Variants in SMAD6 observed in about 807,000 individuals in gnomAD.
The protein encoded by SMAD6 is SMAD family member 6.
A neutral mutation model predicts 39.4 loss-of-function variants in SMAD6; 103 were observed. That is an observed-to-expected ratio of 2.62 (90% confidence interval 2.23 to 3.08). SMAD6 has a LOEUF of 3.08. SMAD6 is among the 30% of genes most tolerant of loss of function. The probability of loss-of-function intolerance (pLI) is 0.00; values close to 1 mark genes in which losing one functional copy is unlikely to be tolerated. For synonymous variants in SMAD6, 445 were observed against 353.3 expected, an observed-to-expected ratio of 1.26 and a Z score of -2.91; for missense variants, 1,104 against 742.9, an observed-to-expected ratio of 1.49 and a Z score of -5.65.
intron 1 of SMAD6, chr15:66,708,565 G>T: frequency 2.7e-6 from 1 of 364,470 alleles, no homozygotes; most frequent in Non-Finnish European, 5.8e-6. Context: ...TGGTACGTCC[G>T]AAGAATGGAA....
chr15:66,714,906 A>C (rs1893298113), intron 2 of SMAD6, among the ~76,000 whole-genome samples: 1 of 151,990 alleles, frequency 6.6e-6, no homozygotes, highest in Non-Finnish European at 1.5e-5. Flanking sequence ...AAGAAATAGG[A>C]CTCGGCTTGT....
At chr15:66,726,845 G>A (rs1893529609) in intron 3 of SMAD6, among the ~76,000 whole-genome samples, 1 of 152,052 alleles carries the variant, frequency 6.6e-6, no homozygotes. Context: ...TCCAAAAATG[G>A]TTGGGGCTAG....
rs1293871186 is a variant in SMAD6 at position 66,781,862 on chromosome 15, A to G, written c.*327A>G. On this transcript the variant is annotated 3_prime_UTR_variant, in exon 4 of 4. Transcript: ENST00000288840. Reference sequence around the variant, plus strand: ...TTCCTCTTCCTTACTTTTTATATATATATATAAAGAAAATGATACAGCAGA... The same window carrying G: ...TTCCTCTTCCTTACTTTTTATATATGTATATAAAGAAAATGATACAGCAGA... The G allele has an allele frequency of 2.5e-6, 1 of 398,616 alleles. No individual in the cohort carries two copies. Among genetic ancestry groups the G allele is most frequent in the Non-Finnish European group, 4.4e-6 (1 of 226,024 alleles). 24.7% of individuals were successfully genotyped at this position (398,616 alleles called of 1,614,324 possible). A position where few individuals can be genotyped will look rare whatever the true frequency, so the allele number is the denominator to read the frequency against.
In SMAD6 at chr15:66,743,019, G is replaced by A. The variant is rs1247779047; in HGVS notation, c.952+26521G>A. On this transcript the variant is annotated intron_variant, in intron 3 of 3. Coordinates refer to ENST00000288840, the MANE Select transcript of SMAD6 (RefSeq NM_005585.5). ...CTGACCGTGTGACCGTTCCCTCTGT[G>A]GGCCTCAGTTTCCCCCTCTGTCAAA... 4.6e-5 allele frequency among the ~76,000 whole-genome samples: 7 copies of A among 152,208 alleles called. No individual in the cohort carries two copies. In the East Asian group the frequency reaches 1.4e-3, roughly 29 times the overall value.
intron 3 of SMAD6, among the ~76,000 whole-genome samples, chr15:66,755,625 G>A (rs1450837555): frequency 1.3e-5 from 2 of 152,112 alleles, no homozygotes; most frequent in Non-Finnish European, 2.9e-5. Flanking sequence ...AATTGCTTAC[G>A]GGTTCATGAA....
chr15:66,715,229 A>G lies in SMAD6; in HGVS notation c.875-1192A>G, dbSNP rs13380231. On this transcript the variant is annotated intron_variant, in intron 2 of 3. Transcript: ENST00000288840. Reference sequence around the variant, plus strand: ...TAAGCCTCTGTGATCACATGAGACCAAAAAACAAAATAAAACCTAGAACAC... The same window carrying G: ...TAAGCCTCTGTGATCACATGAGACCGAAAAACAAAATAAAACCTAGAACAC... 3.6e-4 allele frequency among the ~76,000 whole-genome samples: 54 copies of G among 151,988 alleles called. 1 individual carries two copies. The highest frequency in any genetic ancestry group is 6.9e-4 in the Non-Finnish European group (47 of 67,988).
At chr15:66,728,483 T>G (rs1394476303) in intron 3 of SMAD6, among the ~76,000 whole-genome samples, 1 of 151,940 alleles carries the variant, frequency 6.6e-6, no homozygotes, top group East Asian at 1.9e-4. Context: ...CTCGGCTCAC[T>G]GCAACCTCTG....
Position 66,703,658 on chromosome 15 carries a change from G to A in SMAD6, c.400G>A (p.Ala134Thr), listed in dbSNP as rs569200314. 11 of 1,231,236 alleles carry A rather than the reference G, an allele frequency of 8.9e-6. No homozygotes were observed. In the African/African-American group the frequency reaches 9.5e-5, roughly 11 times the overall value. 76.3% of individuals were successfully genotyped at this position (1,231,236 alleles called of 1,614,324 possible). ...CTGCTGTCTCTTTTCGGAGCGGGAC[G>A]CCGCCGGCGCGCCCCGGGACGCCAG... ...VTCCLFSERDAAGAPRDASDP... is the reference protein window; with the variant it reads ...VTCCLFSERDTAGAPRDASDP... The change falls in exon 1 of 4, where the codon GCC becomes ACC. Residue 134 changes from alanine to threonine, a missense_variant. Physicochemically the swap from Ala to Thr is moderately conservative, Grantham distance 58. Coordinates refer to ENST00000288840, the MANE Select transcript of SMAD6 (RefSeq NM_005585.5).
chr15:66,711,830 G>C, intron 2 of SMAD6, 106 bp downstream of exon 2: 1 of 946,728 alleles, frequency 1.1e-6, no homozygotes, highest in Admixed American at 1.8e-5. Context: ...AGGGCTGGAG[G>C]GGAGGGGTGA....
chr15:66,779,376 T>G (rs1894520004), intron 3 of SMAD6, among the ~76,000 whole-genome samples: 1 of 152,148 alleles, frequency 6.6e-6, no homozygotes, highest in South Asian at 2.1e-4. Context: ...CGGGCTGGTG[T>G]GAGGACTTGG....
intron 3 of SMAD6, among the ~76,000 whole-genome samples, chr15:66,727,005 G>T (rs1465977460): frequency 6.6e-6 from 1 of 152,094 alleles, no homozygotes; most frequent in African/African-American, 2.4e-5. Flanking sequence ...CTGTATCAGA[G>T]CCCCTGGCCG....
intron 3 of SMAD6, among the ~76,000 whole-genome samples, chr15:66,728,913 T>A (rs1347873221): frequency 6.7e-6 from 1 of 149,084 alleles, no homozygotes; most frequent in Non-Finnish European, 1.5e-5. Flanking sequence ...AGGTCATACT[T>A]CTCTTGGGTA....
At chr15:66,732,021 G>A (rs563933260) in intron 3 of SMAD6, among the ~76,000 whole-genome samples, 2 of 147,382 alleles carry the variant, frequency 1.4e-5, no homozygotes, top group Admixed American at 6.9e-5. Context: ...TTGGCTCACT[G>A]TAACCTCTGC....
In SMAD6 at chr15:66,715,397, T is replaced by G. The variant is rs113702544; in HGVS notation, c.875-1024T>G. On this transcript the variant is annotated intron_variant, in intron 2 of 3. Transcript: ENST00000288840. ...CAGGATCAAATGGAATTCTAGCTAG[T>G]GAGGGCCTGGGCAAACGGTTTTATC... Among the ~76,000 whole-genome samples the G allele has an allele frequency of 8.3e-3, 1,256 of 152,092 alleles. 20 individuals are homozygous for G. The highest frequency in any genetic ancestry group is 0.029 in the African/African-American group (1,214 of 41,488).
intron 3 of SMAD6, among the ~76,000 whole-genome samples, chr15:66,739,252 G>A (rs567763112): frequency 1.8e-4 from 27 of 152,192 alleles, no homozygotes; most frequent in African/African-American, 6.5e-4. Flanking sequence ...CATCACGCCT[G>A]GCTAATTTTT....
At chr15:66,749,769 G>A (rs1327634947) in intron 3 of SMAD6, among the ~76,000 whole-genome samples, 1 of 152,162 alleles carries the variant, frequency 6.6e-6, no homozygotes, top group Non-Finnish European at 1.5e-5. Flanking sequence ...CCTGGGTCCA[G>A]GGACTCTGTG....
intron 3 of SMAD6, among the ~76,000 whole-genome samples, chr15:66,734,927 G>A (rs1054200500): frequency 2.0e-5 from 3 of 152,224 alleles, no homozygotes; most frequent in Admixed American, 6.5e-5. Context: ...GCCTCCTGCC[G>A]TAGCAGGTTC....
chr15:66,734,537 G>A (rs1893682401), intron 3 of SMAD6, among the ~76,000 whole-genome samples: 1 of 152,166 alleles, frequency 6.6e-6, no homozygotes, highest in Admixed American at 6.5e-5. Flanking sequence ...CTAAGTACTT[G>A]GCACTACCCT....
intron 3 of SMAD6, chr15:66,717,188 G>C: frequency 8.0e-7 from 1 of 1,255,918 alleles, no homozygotes; most frequent in Non-Finnish European, 1.0e-6. Context: ...AGGTCTGTGG[G>C]GCCCTTTGGG....
Sources: allele counts gnomAD v4.1 joint callset (sites outside exome capture counted in the v4.1 genomes callset), GRCh38; gene constraint gnomAD v4.1.1; transcripts MANE v1.5; gene names NCBI Gene and HGNC (gene_info 2026-07-23, HGNC 2026-07-21).